Variants in ZSCAN2 observed in about 807,000 individuals in gnomAD.
The protein encoded by ZSCAN2 is zinc finger and SCAN domain-containing protein 2.
ZSCAN2 carries 26 observed loss-of-function variants against 47.8 expected under a neutral mutation model. The ratio of observed to expected loss-of-function variants is 0.54; its 90% confidence interval spans 0.40 to 0.75. The LOEUF is 0.75. Among genes scored for constraint, ZSCAN2 ranks in the 30% least tolerant of loss-of-function variants. ZSCAN2 has a pLI of 0.00. For synonymous variants in ZSCAN2, 305 were observed against 288.7 expected (o/e 1.06, Z -0.57); for missense variants, 732 against 785.4 (o/e 0.93, Z 0.81).
At position 84,622,430 on chromosome 15, in the gene ZSCAN2, A is replaced by T. The variant is rs1488842331; in HGVS notation, c.*390A>T. 1.7e-6 allele frequency: 1 copy of T among 600,912 alleles called. No individual in the cohort carries two copies. Among genetic ancestry groups the T allele is most frequent in the African/African-American group, 1.9e-5 (1 of 53,194 alleles). The allele number at this position is 600,912 out of a possible 1,614,324, so 37.2% of individuals were successfully genotyped here. ...AGTCCTCAGAGAAATACTGGAAATCATTGGTGTGGTTCTGGTTGTTTTGTT... is the reference window on the plus strand; with the variant it reads ...AGTCCTCAGAGAAATACTGGAAATCTTTGGTGTGGTTCTGGTTGTTTTGTT... On this transcript the variant is annotated 3_prime_UTR_variant, in exon 3 of 3. Transcript: ENST00000546148.
chr15:84,605,970 A>G (rs1279928067), intron 2 of ZSCAN2, among the ~76,000 whole-genome samples: 1 of 152,256 alleles, frequency 6.6e-6, no homozygotes, highest in Non-Finnish European at 1.5e-5. Flanking sequence ...TGTACCAGGC[A>G]GAACCAAGAT....
chr15:84,616,279 T>C (rs769369956), intron 2 of ZSCAN2: 2 of 1,070,578 alleles, frequency 1.9e-6, no homozygotes, highest in Non-Finnish European at 2.9e-6. Context: ...TGTGCGTGGG[T>C]CAAAGGCTCT....
chr15:84,603,368 C>CTT (rs530895051), intron 1 of ZSCAN2, among the ~76,000 whole-genome samples: 49 of 135,756 alleles, frequency 3.6e-4, no homozygotes, highest in African/African-American at 9.7e-4. Context: ...GCTTGGGATA[C>CTT]TTTTTTTTTT....
intron 2 of ZSCAN2, among the ~76,000 whole-genome samples, chr15:84,615,212 C>A (rs914227278): frequency 2.6e-5 from 4 of 152,182 alleles, no homozygotes; most frequent in African/African-American, 9.7e-5. Context: ...CCTCAGCCCC[C>A]CAAAGTCCTG....
chr15:84,606,909 T>G, intron 2 of ZSCAN2: 1 of 1,076,572 alleles, frequency 9.3e-7, no homozygotes, highest in Non-Finnish European at 1.1e-6. Context: ...TCCCTGCGTT[T>G]GTCTTCATCC....
chr15:84,609,040 C>T (rs1227236314), intron 2 of ZSCAN2, among the ~76,000 whole-genome samples: 1 of 152,200 alleles, frequency 6.6e-6, no homozygotes, highest in East Asian at 1.9e-4. Flanking sequence ...CACAGCTGAC[C>T]TCTCCAGCCA....
At chr15:84,609,005 T>C (rs1228553504) in intron 2 of ZSCAN2, among the ~76,000 whole-genome samples, 1 of 152,208 alleles carries the variant, frequency 6.6e-6, no homozygotes, top group African/African-American at 2.4e-5. Flanking sequence ...AAGCCTACTC[T>C]TGTCCAACAG....
chr15:84,605,235 C>CTCCTGG (rs1389051633), intron 2 of ZSCAN2, among the ~76,000 whole-genome samples: 1 of 152,208 alleles, frequency 6.6e-6, no homozygotes, highest in Non-Finnish European at 1.5e-5. Context: ...CGCTGTCTCC[C>CTCCTGG]TCCTGGTTTT....
At position 84,621,115 on chromosome 15, in the gene ZSCAN2, A is replaced by C. The variant is rs1408625252; in HGVS notation, c.920A>C (p.Gln307Pro). Residue 307 changes from glutamine to proline, a missense_variant, in exon 3 of 3, where the codon CAG (glutamine) becomes CCG (proline). Transcript: ENST00000546148. The surrounding 1 kb of genome is among the most constrained non-coding windows in gnomAD (Gnocchi z 5.7). ...QRIHTGEKPF[Q>P]CAECGKSFSR... ...ATCCACACGGGGGAAAAGCCCTTCC[A>C]GTGTGCCGAGTGTGGCAAGAGCTTC... The C allele has an allele frequency of 6.2e-7, 1 of 1,614,004 alleles. No individual in the cohort carries two copies. Among genetic ancestry groups the C allele is most frequent in the South Asian group, 1.1e-5 (1 of 91,088 alleles).
Position 84,621,106 on chromosome 15 carries a change from A to G in ZSCAN2, c.911A>G (p.Lys304Arg). The G allele has an allele frequency of 6.2e-7, 1 of 1,614,060 alleles. No individual in the cohort carries two copies. Among genetic ancestry groups the G allele is most frequent in the Non-Finnish European group, 8.5e-7 (1 of 1,179,962 alleles). ...ITHQRIHTGE[K>R]PFQCAECGKS... Reference sequence around the variant, plus strand: ...CACCAGAGGATCCACACGGGGGAAAAGCCCTTCCAGTGTGCCGAGTGTGGC... The same window carrying G: ...CACCAGAGGATCCACACGGGGGAAAGGCCCTTCCAGTGTGCCGAGTGTGGC... The change falls in exon 3 of 3, where the codon AAG becomes AGG. Residue 304 changes from lysine (K) to arginine (R), a missense_variant. This residue lies in a region of ZSCAN2 where 412 missense variants were observed against 498.0 expected (regional missense o/e 0.83). Coordinates refer to ENST00000546148, the MANE Select transcript of ZSCAN2 (RefSeq NM_181877.4). The surrounding 1 kb of genome is among the most constrained non-coding windows in gnomAD (Gnocchi z 5.7).
chr15:84,620,864 A>G lies in ZSCAN2; in HGVS notation c.669A>G (p.Glu223=). The G allele has an allele frequency of 6.2e-7, 1 of 1,614,208 alleles. No homozygotes were observed. The highest frequency in any genetic ancestry group is 8.5e-7 in the Non-Finnish European group (1 of 1,180,042). ...CCTACCTAGGGGAGAAGCCCTACGA[A>G]TGTCCCCAGTGTGGGAAGACCTTCA... ...QGTYLGEKPY[E]CPQCGKTFSR... is the part of the protein sequence containing the mutation. The change falls in exon 3 of 3, where the codon GAA becomes GAG. Residue 223 remains glutamate (E), a synonymous_variant. Transcript: ENST00000546148.
chr15:84,622,276 C>T lies in ZSCAN2; in HGVS notation c.*236C>T. ...AAGGTCTGGAAAGTTGGGTCTTTTT[C>T]CCTTACATTGGGTGACTTGATTGGC... is the stretch of plus-strand genomic sequence containing the variant. On this transcript the variant is annotated 3_prime_UTR_variant, in exon 3 of 3. Coordinates refer to ENST00000546148, the MANE Select transcript of ZSCAN2 (RefSeq NM_181877.4). The T allele has an allele frequency of 5.2e-6, 3 of 574,168 alleles. No individual in the cohort carries two copies. The highest frequency in any genetic ancestry group is 6.3e-6 in the Non-Finnish European group (2 of 318,186). The allele number at this position is 574,168 out of a possible 1,614,324, so 35.6% of individuals were successfully genotyped here.
Position 84,608,008 on chromosome 15 carries a change from G to A in ZSCAN2, c.406+3675G>A, listed in dbSNP as rs139432258. ...AGAAGTCGTCTCCCCCAGAACATTT[G>A]GATTCTCTCTCTTGGCTTTTTATCA... On this transcript the variant is annotated intron_variant, in intron 2 of 2. Coordinates refer to ENST00000546148, the MANE Select transcript of ZSCAN2 (RefSeq NM_181877.4). Among the ~76,000 whole-genome samples, 6 of 152,182 alleles carry A rather than the reference G, an allele frequency of 3.9e-5. 1 individual carries two copies. Among genetic ancestry groups the A allele is most frequent in the African/African-American group, 1.4e-4 (6 of 41,514 alleles).
chr15:84,601,669 G>T (rs1054220110), intron 1 of ZSCAN2, among the ~76,000 whole-genome samples: 4 of 151,662 alleles, frequency 2.6e-5, no homozygotes, highest in Admixed American at 6.6e-5. Flanking sequence ...TTGAGGGAGG[G>T]TTGTTAGTTG....
intron 2 of ZSCAN2, chr15:84,616,355 G>C (rs568391142): frequency 9.9e-6 from 16 of 1,609,994 alleles, no homozygotes; most frequent in Middle Eastern, 3.3e-4. Flanking sequence ...TCCAGTTGCA[G>C]CCTCACCTCC....
At position 84,620,827 on chromosome 15, in the gene ZSCAN2, G is replaced by T; in HGVS notation, c.632G>T (p.Gly211Val). ...GACAGGGAAGTTGGCCAGCTCATAG[G>T]CCTGCAGGGCACCTACCTAGGGGAG... is the stretch of plus-strand genomic sequence containing the variant. ...SQDREVGQLI[G>V]LQGTYLGEKP... The change falls in exon 3 of 3, where the codon GGC becomes GTC. Residue 211 changes from glycine (G) to valine (V), a missense_variant. Physicochemically the swap from Gly to Val is moderately radical, Grantham distance 109. Around this residue, in one of 2 missense-constraint regions of ZSCAN2, gnomAD observed 320 missense variants for 287.4 expected, o/e 1.11. Transcript: ENST00000546148. 6.2e-7 allele frequency: 1 copy of T among 1,614,216 alleles called. No homozygotes were observed. The highest frequency in any genetic ancestry group is 1.3e-5 in the African/African-American group (1 of 75,050).
intron 2 of ZSCAN2, among the ~76,000 whole-genome samples, chr15:84,610,488 C>CTTTTT (rs71132689): frequency 1.0e-3 from 89 of 86,906 alleles, no homozygotes; most frequent in Non-Finnish European, 1.3e-3. Flanking sequence ...TTCTTTCTTT[C>CTTTTT]TTTTTTTTTT....
At position 84,621,394 on chromosome 15, in the gene ZSCAN2, G is replaced by A; in HGVS notation, c.1199G>A (p.Ser400Asn). 2 of 1,614,166 alleles carry A rather than the reference G, an allele frequency of 1.2e-6. No homozygotes were observed. Among genetic ancestry groups the A allele is most frequent in the Non-Finnish European group, 1.7e-6 (2 of 1,180,022 alleles). ...TGTACCGACTGTGGGCAGAGGTTCA[G>A]CCAGAGTTCAGCCCTCATCACCCAC... ...YKCTDCGQRFSQSSALITHRR... is the reference protein window; with the variant it reads ...YKCTDCGQRFNQSSALITHRR... Residue 400 changes from serine to asparagine, a missense_variant, in exon 3 of 3, where the codon AGC becomes AAC. Physicochemically the swap from Ser to Asn is conservative, Grantham distance 46 (BLOSUM62 1). Transcript: ENST00000546148. The surrounding 1 kb of genome is among the most constrained non-coding windows in gnomAD (Gnocchi z 5.7).
At chr15:84,616,725 T>A (rs1596035504) in intron 2 of ZSCAN2, 1 of 1,003,722 alleles carries the variant, frequency 1.0e-6, no homozygotes, top group East Asian at 9.7e-5. Flanking sequence ...CCCAAAAAAA[T>A]GTTTTTGGTC....
Sources: gnomAD v4.1 joint callset for allele counts (sites outside exome capture counted in the v4.1 genomes callset) on GRCh38, gnomAD v4.1.1 for gene constraint, gnomAD v4.1.1 regional missense constraint, Gnocchi (gnomAD v3.1) non-coding constraint, MANE v1.5 for transcripts, NCBI Gene and HGNC (gene_info 2026-07-23, HGNC 2026-07-21) for gene names.